Variants in CGGBP1 observed in about 807,000 individuals in gnomAD.
The protein encoded by CGGBP1 is CGG triplet repeat-binding protein 1.
A neutral mutation model predicts 11.4 loss-of-function variants in CGGBP1; 4 were observed. The observed-to-expected ratio is 0.35, with a 90% confidence interval of 0.17 to 0.80. CGGBP1 has a LOEUF of 0.80. CGGBP1 is among the 30% of genes least tolerant of loss of function. CGGBP1 has a pLI of 0.52. For missense variants in CGGBP1, 135 were observed against 202.1 expected, an observed-to-expected ratio of 0.67 and a Z score of 2.01; for synonymous variants, 76 against 74.1, an observed-to-expected ratio of 1.03 and a Z score of -0.13.
chr3:88,110,090 T>C (rs1704997790), intron 2 of CGGBP1, among the ~76,000 whole-genome samples: 1 of 152,136 alleles, frequency 6.6e-6, no homozygotes, highest in African/African-American at 2.4e-5. Flanking sequence ...TAAATAATGG[T>C]TGTACTATGT....
chr3:88,100,435 A>G (rs1333713263), intron 2 of CGGBP1, among the ~76,000 whole-genome samples: 2 of 152,192 alleles, frequency 1.3e-5, no homozygotes, highest in East Asian at 3.8e-4. Context: ...GGGATGTAGA[A>G]CTAGAAATAC....
intron 2 of CGGBP1, among the ~76,000 whole-genome samples, chr3:88,090,659 TTCACCATTCAC>T (rs1444051876): frequency 2.6e-5 from 4 of 152,210 alleles, no homozygotes; most frequent in Non-Finnish European, 5.9e-5. Flanking sequence ...TTTACATTCA[TTCACCATTCAC>T]TCACTGACAC....
chr3:88,077,456 C>G lies in CGGBP1; in HGVS notation c.-228-19233G>C, dbSNP rs574625184. On this transcript the variant is annotated intron_variant, in intron 2 of 3. Transcript: ENST00000462901. ...CACTCCACTCTCCTGCCTCAGCCTC[C>G]CGAGGAGGTGGGACTACAGACGCCT... is the stretch of plus-strand genomic sequence containing the variant. 3.9e-5 allele frequency among the ~76,000 whole-genome samples: 6 copies of G among 152,126 alleles called. No homozygotes were observed. In the East Asian group the frequency reaches 1.2e-3, roughly 29 times the overall value.
At chr3:88,122,949 G>T (rs1705862553) in intron 2 of CGGBP1, among the ~76,000 whole-genome samples, 1 of 151,066 alleles carries the variant, frequency 6.6e-6, no homozygotes, top group Non-Finnish European at 1.5e-5. Context: ...GGCCGAGGTT[G>T]CAGTGAGCCA....
intron 2 of CGGBP1, among the ~76,000 whole-genome samples, chr3:88,073,746 G>T (rs1387482152): frequency 1.3e-5 from 2 of 152,180 alleles, no homozygotes; most frequent in East Asian, 1.9e-4. Flanking sequence ...AAGAGTTAGT[G>T]CATTCTTCTT....
At chr3:88,132,169 G>A (rs1470659682) in intron 2 of CGGBP1, among the ~76,000 whole-genome samples, 6 of 151,976 alleles carry the variant, frequency 3.9e-5, no homozygotes. Flanking sequence ...GTGAAGCCAG[G>A]ATTCAAACTT....
At chr3:88,060,283 G>C (rs1246535201), upstream of CGGBP1, among the ~76,000 whole-genome samples, 1 of 152,006 alleles carries the variant, frequency 6.6e-6, no homozygotes, top group Non-Finnish European at 1.5e-5. Context: ...GTGTCTGAAC[G>C]GTGACATTAA....
At chr3:88,063,204 C>T (rs1397530085), upstream of CGGBP1, among the ~76,000 whole-genome samples, 1 of 152,068 alleles carries the variant, frequency 6.6e-6, no homozygotes, top group Non-Finnish European at 1.5e-5. Context: ...CAGGATGGCT[C>T]TAACAACAAA....
chr3:88,096,088 T>G (rs1356749932), intron 2 of CGGBP1: 1 of 161,204 alleles, frequency 6.2e-6, no homozygotes. Context: ...CTTGGCAGAC[T>G]GACCTTCATT....
At position 88,052,991 on chromosome 3, in the gene CGGBP1, A is replaced by G. The variant is rs1706461374; in HGVS notation, c.*2482T>C. The G allele has an allele frequency of 6.6e-6, 1 of 152,628 alleles. No homozygotes were observed. Among genetic ancestry groups the G allele is most frequent in the Non-Finnish European group, 1.5e-5 (1 of 68,010 alleles). The allele number at this position is 152,628 out of a possible 1,614,324, so 9.5% of individuals were successfully genotyped here. On this transcript the variant is annotated 3_prime_UTR_variant, in exon 4 of 4. Coordinates refer to ENST00000482016, the MANE Select transcript of CGGBP1 (RefSeq NM_001008390.2). Reference sequence around the variant, plus strand: ...ATGTGTTGAAGAAGGCAGTTTATAAATGAAACATTACAAATCTTATGTTTA... The same window carrying G: ...ATGTGTTGAAGAAGGCAGTTTATAAGTGAAACATTACAAATCTTATGTTTA...
At chr3:88,088,761 T>TATGTATGG (rs1417314724) in intron 2 of CGGBP1, among the ~76,000 whole-genome samples, 2 of 126,428 alleles carry the variant, frequency 1.6e-5, no homozygotes, top group African/African-American at 6.0e-5. Flanking sequence ...TGTATGTATG[T>TATGTATGG]ATGGATGGAT....
At chr3:88,126,026 A>G in intron 2 of CGGBP1, 1 of 1,183,470 alleles carries the variant, frequency 8.4e-7, no homozygotes, top group Non-Finnish European at 1.1e-6. Flanking sequence ...CTCTTTTATA[A>G]TTTAATAGCT....
chr3:88,094,209 AT>A (rs1703920975), intron 2 of CGGBP1, among the ~76,000 whole-genome samples: 1 of 150,824 alleles, frequency 6.6e-6, no homozygotes, highest in Non-Finnish European at 1.5e-5. Flanking sequence ...TGTTTATAGG[AT>A]TTGTTGTAGC....
At chr3:88,064,100 G>C (rs13076170) in intron 2 of CGGBP1, among the ~76,000 whole-genome samples, 117,671 of 150,152 alleles carry the variant, frequency 0.78, 47,030 homozygotes, top group South Asian at 0.91. Context: ...ATTGAATAAC[G>C]AGCTTCTTCT....
chr3:88,100,271 A>T (rs1400041910), intron 2 of CGGBP1, among the ~76,000 whole-genome samples: 3 of 152,218 alleles, frequency 2.0e-5, no homozygotes, highest in Admixed American at 2.0e-4. Flanking sequence ...AACCACAATG[A>T]GATACCATCT....
intron 1 of CGGBP1, chr3:88,141,624 CA>C (rs1707139416): frequency 1.4e-6 from 2 of 1,474,370 alleles, no homozygotes; most frequent in Non-Finnish European, 1.8e-6. Flanking sequence ...CTTGCATTAA[CA>C]GATGTGTTCT....
chr3:88,058,442 C>G (rs1706629546), intron 1 of CGGBP1, among the ~76,000 whole-genome samples: 1 of 152,166 alleles, frequency 6.6e-6, no homozygotes, highest in Admixed American at 6.5e-5. Context: ...CTCCCCAGGC[C>G]CGGGGGTTCG....
chr3:88,060,650 A>C (rs571672541), upstream of CGGBP1, among the ~76,000 whole-genome samples: 1 of 151,048 alleles, frequency 6.6e-6, no homozygotes, highest in South Asian at 2.1e-4. Context: ...GTAATAGTTA[A>C]ATAAATATGT....
intron 2 of CGGBP1, among the ~76,000 whole-genome samples, chr3:88,116,994 T>A (rs1293737381): frequency 4.6e-5 from 7 of 152,102 alleles, no homozygotes; most frequent in South Asian, 2.1e-4. Context: ...TTTAAAAAAA[T>A]TTTTTCTTAA....
Sources: gnomAD v4.1 joint callset for allele counts (sites outside exome capture counted in the v4.1 genomes callset) on GRCh38, gnomAD v4.1.1 for gene constraint, MANE v1.5 for transcripts, NCBI Gene and HGNC (gene_info 2026-07-23, HGNC 2026-07-21) for gene names.